The following NT5C2 variants were observed in gnomAD, a reference collection of about 807,000 sequenced individuals.
NT5C2 encodes the protein cytosolic purine 5'-nucleotidase.
NT5C2 carries 58 observed loss-of-function variants against 76.1 expected under a neutral mutation model. The observed-to-expected ratio is 0.76, with a 90% CI of 0.62 to 0.95. NT5C2 has a LOEUF of 0.95. Ranked by LOEUF, NT5C2 falls within the 40% of genes least tolerant of loss-of-function variation. The probability of loss-of-function intolerance (pLI) is 0.00; values close to 1 mark genes in which losing one functional copy is unlikely to be tolerated. For synonymous variants in NT5C2, 229 were observed against 237.4 expected, an observed-to-expected ratio of 0.96 and a Z score of 0.32; for missense variants, 478 against 690.3, an observed-to-expected ratio of 0.69 and a Z score of 3.45.
intron 3 of NT5C2, among the ~76,000 whole-genome samples, chr10:103,166,076 T>C (rs1013729064): frequency 6.6e-5 from 10 of 152,266 alleles, no homozygotes; most frequent in Admixed American, 2.6e-4. Context: ...CTTCACACAG[T>C]GTCCCCCAAT....
At chr10:103,103,815 C>CTTCAG (rs1438166116) in intron 6 of NT5C2, among the ~76,000 whole-genome samples, 12 of 152,120 alleles carry the variant, frequency 7.9e-5, no homozygotes, top group African/African-American at 2.7e-4. Context: ...TTCCCTCTAT[C>CTTCAG]TTCAGTCTCT....
At chr10:103,132,131 T>C (rs1486500542) in intron 4 of NT5C2, among the ~76,000 whole-genome samples, 1 of 151,300 alleles carries the variant, frequency 6.6e-6, no homozygotes, top group Admixed American at 6.6e-5. Flanking sequence ...CCCCAGCTAC[T>C]TGGGAGGCCG....
chr10:103,178,942 TTTTC>T (rs967563379), intron 2 of NT5C2, among the ~76,000 whole-genome samples: 2 of 139,694 alleles, frequency 1.4e-5, no homozygotes, highest in South Asian at 2.3e-4. Flanking sequence ...ACGTTTTCTT[TTTTC>T]TTTTTTTCTT....
intron 1 of NT5C2, among the ~76,000 whole-genome samples, chr10:103,192,092 C>A (rs1021844921): frequency 6.6e-6 from 1 of 151,960 alleles, no homozygotes; most frequent in Non-Finnish European, 1.5e-5. Context: ...TTTTTGAAAC[C>A]TAAAGCCTTC....
intron 3 of NT5C2, among the ~76,000 whole-genome samples, chr10:103,170,564 C>G (rs1380028703): frequency 7.4e-6 from 1 of 134,502 alleles, no homozygotes; most frequent in Non-Finnish European, 1.5e-5. Context: ...TGCTCTCATT[C>G]TGTCACCCAG....
chr10:103,164,828 A>G (rs1362035714), intron 3 of NT5C2, among the ~76,000 whole-genome samples: 1 of 152,160 alleles, frequency 6.6e-6, no homozygotes, highest in African/African-American at 2.4e-5. Context: ...TAAATCTCAG[A>G]TCTGCTTTTA....
chr10:103,191,778 C>T (rs957543355), intron 1 of NT5C2, among the ~76,000 whole-genome samples: 26 of 151,966 alleles, frequency 1.7e-4, no homozygotes, highest in Non-Finnish European at 3.7e-4. Flanking sequence ...ATCCTAAAAC[C>T]TTAATTCTGG....
At position 103,098,836 on chromosome 10, in the gene NT5C2, C is replaced by A. The variant is rs529789767; in HGVS notation, c.687+95G>T. The A allele has an allele frequency of 1.0e-5, 9 of 881,402 alleles. No homozygotes were observed. The East Asian group carries it at 2.3e-4, about 23-fold the overall frequency. The allele number at this position is 881,402 out of a possible 1,614,324, so 54.6% of individuals were successfully genotyped here. A position where few individuals can be genotyped will look rare whatever the true frequency, so the allele number is the denominator to read the frequency against. On this transcript the variant is annotated intron_variant, in intron 10 of 18. Coordinates refer to ENST00000404739, the MANE Select transcript of NT5C2 (RefSeq NM_001351169.2). ...CATACTATGCCAAGACAAATCTCTT[C>A]TTTTGTCCATTTCATTATAAATCAG...
intron 4 of NT5C2, among the ~76,000 whole-genome samples, chr10:103,116,891 A>G (rs958853789): frequency 2.6e-5 from 4 of 152,098 alleles, no homozygotes; most frequent in Non-Finnish European, 5.9e-5. Context: ...TATTGTAACT[A>G]TACTATGTTG....
At chr10:103,168,488 A>C (rs1376030406) in intron 3 of NT5C2, among the ~76,000 whole-genome samples, 8 of 152,224 alleles carry the variant, frequency 5.3e-5, no homozygotes, top group Non-Finnish European at 1.2e-4. Context: ...AGTGATCACT[A>C]AAAGATTCTA....
chr10:103,146,307 T>C (rs1367634163), intron 3 of NT5C2: 7 of 985,344 alleles, frequency 7.1e-6, no homozygotes, highest in Non-Finnish European at 8.4e-6. Context: ...TGGTGAACTT[T>C]ATCTGTAACT....
At position 103,167,903 on chromosome 10, in the gene NT5C2, G is replaced by T. The variant is rs149218337; in HGVS notation, c.101+6955C>A. 4.5e-4 allele frequency among the ~76,000 whole-genome samples: 68 copies of T among 152,230 alleles called. No individual in the cohort carries two copies. The East Asian group carries it at 0.012, about 26-fold the overall frequency. ...CCCGCCTGGGTCTCCCAAAGTGCTAGGATCACAGGCATAAGCCACCGTGCC... is the reference window on the plus strand; with the variant it reads ...CCCGCCTGGGTCTCCCAAAGTGCTATGATCACAGGCATAAGCCACCGTGCC... On this transcript the variant is annotated intron_variant, in intron 3 of 18. Coordinates refer to ENST00000404739, the MANE Select transcript of NT5C2 (RefSeq NM_001351169.2).
At chr10:103,097,626 C>A (rs1449547507) in intron 10 of NT5C2, among the ~76,000 whole-genome samples, 1 of 152,148 alleles carries the variant, frequency 6.6e-6, no homozygotes, top group East Asian at 1.9e-4. Context: ...GGTTATATGG[C>A]TGTTAACAAC....
chr10:103,091,509 A>T (rs775481634), intron 16 of NT5C2, 55 bp downstream of exon 16: 15 of 1,327,026 alleles, frequency 1.1e-5, no homozygotes, highest in South Asian at 4.8e-5. Context: ...AACATTTCTT[A>T]TATCTAAGTG....
At chr10:103,093,785 T>C in intron 14 of NT5C2, 187 bp downstream of exon 14, 1 of 541,296 alleles carries the variant, frequency 1.8e-6, no homozygotes. Context: ...TCAGATTCAT[T>C]AGGATATACT....
chr10:103,097,732 A>G (rs1419224656), intron 10 of NT5C2, among the ~76,000 whole-genome samples: 1 of 152,234 alleles, frequency 6.6e-6, no homozygotes, highest in Non-Finnish European at 1.5e-5. Flanking sequence ...GGTCAGCAGA[A>G]GCTGATTTAA....
At chr10:103,176,477 A>G (rs1298036026) in intron 2 of NT5C2, among the ~76,000 whole-genome samples, 3 of 152,036 alleles carry the variant, frequency 2.0e-5, no homozygotes, top group South Asian at 2.1e-4. Flanking sequence ...ACTCCCAAAC[A>G]TTGCATACCC....
intron 4 of NT5C2, among the ~76,000 whole-genome samples, chr10:103,135,930 C>CA (rs1319551750): frequency 6.7e-6 from 1 of 149,774 alleles, no homozygotes; most frequent in Non-Finnish European, 1.5e-5. Context: ...ATTAAAAATA[C>CA]AAAAAACTTA....
chr10:103,186,193 G>A (rs887282575), intron 1 of NT5C2, among the ~76,000 whole-genome samples: 3 of 152,178 alleles, frequency 2.0e-5, no homozygotes, highest in Non-Finnish European at 2.9e-5. Context: ...CTAGCTCTAC[G>A]ACTAAGCAAA....
Sources: allele counts gnomAD v4.1 joint callset (sites outside exome capture counted in the v4.1 genomes callset), GRCh38; gene constraint gnomAD v4.1.1; transcripts MANE v1.5; gene names NCBI Gene and HGNC (gene_info 2026-07-23, HGNC 2026-07-21).